The following PCDH15 variants were observed in gnomAD, a reference collection of about 807,000 sequenced individuals.
PCDH15 encodes protocadherin-15.
A neutral mutation model predicts 178.5 loss-of-function variants in PCDH15; 129 were observed. The ratio of observed to expected loss-of-function variants is 0.72; its 90% CI spans 0.63 to 0.84. The LOEUF is 0.84. Ranked by LOEUF, PCDH15 falls within the 40% of genes least tolerant of loss-of-function variation. The pLI is 0.00. For synonymous variants in PCDH15, 800 were observed against 732.0 expected (o/e 1.09, Z -1.50); for missense variants, 2,230 against 2,099.9 (o/e 1.06, Z -1.21).
At chr10:55,513,701 A>G (rs1047062498) in intron 2 of PCDH15, among the ~76,000 whole-genome samples, 1 of 152,216 alleles carries the variant, frequency 6.6e-6, no homozygotes, top group African/African-American at 2.4e-5. Context: ...AATAGTAGCT[A>G]TAACTCTTGC....
At chr10:53,992,003 C>G (rs1177274026) in intron 21 of PCDH15, among the ~76,000 whole-genome samples, 1 of 152,082 alleles carries the variant, frequency 6.6e-6, no homozygotes, top group East Asian at 1.9e-4. Flanking sequence ...TTGCTCTTTG[C>G]AATAAATCTT....
At chr10:54,995,320 GAGT>G (rs1393007330) in intron 2 of PCDH15, among the ~76,000 whole-genome samples, 1 of 147,772 alleles carries the variant, frequency 6.8e-6, no homozygotes, top group African/African-American at 2.5e-5. Flanking sequence ...AGTTTGCAGT[GAGT>G]AGAGATCGCA....
chr10:55,617,836 A>G (rs137910696), intron 2 of PCDH15, among the ~76,000 whole-genome samples: 108 of 152,160 alleles, frequency 7.1e-4, no homozygotes, highest in African/African-American at 2.5e-3. Context: ...ATCAGCTTTT[A>G]GAACATTCTT....
intron 2 of PCDH15, among the ~76,000 whole-genome samples, chr10:55,150,097 A>G (rs1266681034): frequency 6.6e-6 from 1 of 151,312 alleles, no homozygotes; most frequent in Non-Finnish European, 1.5e-5. Flanking sequence ...AGGAAAAGAT[A>G]GAAGACGAGA....
At chr10:54,225,296 A>G (rs1442230644) in intron 9 of PCDH15, among the ~76,000 whole-genome samples, 2 of 152,162 alleles carry the variant, frequency 1.3e-5, no homozygotes, top group African/African-American at 4.8e-5. Flanking sequence ...TGATACGTTC[A>G]TATCTGTTAT....
rs529838131 is a variant in PCDH15, at chr10:55,501,304, A to C, written c.-156+126321T>G. Among the ~76,000 whole-genome samples, 4 of 151,842 alleles carry C rather than the reference A, an allele frequency of 2.6e-5. No homozygotes were observed. In the East Asian group the frequency reaches 7.8e-4, roughly 30 times the overall value. Reference sequence around the variant, plus strand: ...TTGATTTTGGACTTTTAGCCTCCAGAACTGTGAGAGATTAAATTGCTCTTG... The same window carrying C: ...TTGATTTTGGACTTTTAGCCTCCAGCACTGTGAGAGATTAAATTGCTCTTG... On this transcript the variant is annotated intron_variant, in intron 2 of 5. Transcript: ENST00000613346.
intron 1 of PCDH15, among the ~76,000 whole-genome samples, chr10:54,766,554 AAGG>A (rs2133210762): frequency 6.6e-6 from 1 of 152,134 alleles, no homozygotes; most frequent in Non-Finnish European, 1.5e-5. Flanking sequence ...GAAAAAAAAA[AAGG>A]AGTTCCTTTC....
intron 3 of PCDH15, among the ~76,000 whole-genome samples, chr10:54,391,184 A>C (rs2135313578): frequency 6.6e-6 from 1 of 152,318 alleles, no homozygotes; most frequent in South Asian, 2.1e-4. Flanking sequence ...TACAGTGAGT[A>C]ATTGCTGCAG....
At chr10:54,294,633 T>C (rs1174219017) in intron 8 of PCDH15, among the ~76,000 whole-genome samples, 4 of 152,098 alleles carry the variant, frequency 2.6e-5, no homozygotes, top group Non-Finnish European at 5.9e-5. Flanking sequence ...AAGTACATAC[T>C]TAGCATAATT....
chr10:53,876,023 C>G (rs1030102580), intron 26 of PCDH15, among the ~76,000 whole-genome samples: 1 of 152,084 alleles, frequency 6.6e-6, no homozygotes, highest in African/African-American at 2.4e-5. Context: ...GTATTGAAGG[C>G]TCACTTACCC....
chr10:53,955,408 G>A (rs1284044486), intron 23 of PCDH15, among the ~76,000 whole-genome samples: 2 of 152,068 alleles, frequency 1.3e-5, no homozygotes, highest in Non-Finnish European at 2.9e-5. Flanking sequence ...ATAAGTCAAC[G>A]GAGTCAGTGA....
At chr10:54,581,067 TC>T (rs1476861116) in intron 2 of PCDH15, among the ~76,000 whole-genome samples, 3 of 152,130 alleles carry the variant, frequency 2.0e-5, no homozygotes, top group Non-Finnish European at 4.4e-5. Context: ...TTTCACTACT[TC>T]TATTCAATGC....
At chr10:53,887,487 A>G (rs1430665987) in intron 26 of PCDH15, among the ~76,000 whole-genome samples, 1 of 152,222 alleles carries the variant, frequency 6.6e-6, no homozygotes, top group Non-Finnish European at 1.5e-5. Context: ...AAACATTTTT[A>G]GAAATGTAAT....
At chr10:55,381,889 GGC>G (rs1837542160) in intron 2 of PCDH15, among the ~76,000 whole-genome samples, 1 of 152,116 alleles carries the variant, frequency 6.6e-6, no homozygotes, top group African/African-American at 2.4e-5. Flanking sequence ...CACGCTGATT[GGC>G]TGGAGGAAAC....
At position 55,463,091 on chromosome 10, in the gene PCDH15, T is replaced by A. The variant is rs142461566; in HGVS notation, c.-156+164534A>T. Reference sequence around the variant, plus strand: ...AAATAAAATATAGGAAAGGTCAGGATCCAAGAGAAAAAAAAAAAAACAAAA... The same window carrying A: ...AAATAAAATATAGGAAAGGTCAGGAACCAAGAGAAAAAAAAAAAAACAAAA... On this transcript the variant is annotated intron_variant, in intron 2 of 5. Coordinates refer to the PCDH15 transcript ENST00000613346. Among the ~76,000 whole-genome samples, 796 of 139,180 alleles carry A rather than the reference T, an allele frequency of 5.7e-3. 4 individuals carry two copies. The highest frequency in any genetic ancestry group is 0.019 in the African/African-American group (724 of 37,784). 91.3% of individuals were successfully genotyped at this position (139,180 alleles called of 152,430 possible).
chr10:55,475,922 G>A (rs2132112266), intron 2 of PCDH15, among the ~76,000 whole-genome samples: 1 of 152,168 alleles, frequency 6.6e-6, no homozygotes, highest in South Asian at 2.1e-4. Flanking sequence ...TTGGAGAACA[G>A]AATTAGGCAA....
At chr10:54,184,712 C>T (rs927820704) in intron 12 of PCDH15, among the ~76,000 whole-genome samples, 4 of 151,746 alleles carry the variant, frequency 2.6e-5, no homozygotes, top group Non-Finnish European at 5.9e-5. Flanking sequence ...AAAATGCCTC[C>T]AGATGTTGCT....
intron 2 of PCDH15, among the ~76,000 whole-genome samples, chr10:55,374,052 C>A (rs1845564287): frequency 6.6e-6 from 1 of 150,816 alleles, no homozygotes; most frequent in African/African-American, 2.4e-5. Context: ...AACACACCTG[C>A]ACGTTCTGCA....
chr10:55,563,641 G>A (rs1047125522), intron 2 of PCDH15, among the ~76,000 whole-genome samples: 3 of 150,970 alleles, frequency 2.0e-5, no homozygotes, highest in African/African-American at 7.3e-5. Context: ...AAGCAAAATA[G>A]AGTCACCGAG....
Sources: gnomAD v4.1 joint callset for allele counts (sites outside exome capture counted in the v4.1 genomes callset) on GRCh38, gnomAD v4.1.1 for gene constraint, MANE v1.5 for transcripts, NCBI Gene and HGNC (gene_info 2026-07-23, HGNC 2026-07-21) for gene names.